The following DNAH11 variants were observed in gnomAD, a reference collection of about 807,000 sequenced individuals.
The protein encoded by DNAH11 is dynein axonemal heavy chain 11.
A neutral mutation model predicts 526.0 loss-of-function variants in DNAH11; 442 were observed. The ratio of observed to expected loss-of-function variants is 0.84; its 90% CI spans 0.78 to 0.91. The LOEUF (loss-of-function observed/expected upper bound fraction) is 0.91. Ranked by LOEUF, DNAH11 falls within the 40% of genes least tolerant of loss-of-function variation. The pLI is 0.00. For synonymous variants in DNAH11, 2,461 were observed against 1,935.9 expected (o/e 1.27, Z -7.12); for missense variants, 6,989 against 5,448.7 (o/e 1.28, Z -8.90).
At chr7:21,751,933 G>A (rs1786431217) in intron 54 of DNAH11, among the ~76,000 whole-genome samples, 1 of 152,212 alleles carries the variant, frequency 6.6e-6, no homozygotes, top group South Asian at 2.1e-4. Context: ...AACAAGTACA[G>A]TGTTAGAATT....
At position 21,884,422 on chromosome 7, in the gene DNAH11, G is replaced by C. The variant is rs1784045146; in HGVS notation, c.12507+12G>C. ...TGAATCCATCTCTGGTAAGACATTT[G>C]TAAATTAATTTGTAAATAAATTTCA... On this transcript the variant is annotated intron_variant, in intron 76 of 81. Coordinates refer to ENST00000409508, the MANE Select transcript of DNAH11 (RefSeq NM_001277115.2). 1 of 1,585,792 alleles carries C rather than the reference G, an allele frequency of 6.3e-7. No individual in the cohort carries two copies. The highest frequency in any genetic ancestry group is 8.6e-7 in the Non-Finnish European group (1 of 1,169,008).
Position 21,591,013 on chromosome 7 carries a change from T to C in DNAH11, c.2265T>C (p.Thr755=). ...TAGCCATCTTCAAGAAAAGGAACAC[T>C]ATTTTAAAGGTTTGTGATTTTTGTT... The part of the protein sequence containing the change: ...SALAIFKKRN[T]ILKYIGNLDL... The change falls in exon 13 of 82, where the codon ACT becomes ACC. Residue 755 remains threonine, a synonymous_variant. Transcript: ENST00000409508. The C allele has an allele frequency of 6.6e-7, 1 of 1,507,472 alleles. No homozygotes were observed. Among genetic ancestry groups the C allele is most frequent in the South Asian group, 1.4e-5 (1 of 69,290 alleles). The allele number at this position is 1,507,472 out of a possible 1,614,324, so 93.4% of individuals were successfully genotyped here.
At chr7:21,888,550 T>A (rs1236531445) in intron 76 of DNAH11, among the ~76,000 whole-genome samples, 2 of 152,056 alleles carry the variant, frequency 1.3e-5, no homozygotes, top group Non-Finnish European at 2.9e-5. Context: ...AGTGCAGTGG[T>A]GTGATCTCGG....
chr7:21,764,250 A>G (rs1371244076), intron 54 of DNAH11, among the ~76,000 whole-genome samples: 2 of 145,542 alleles, frequency 1.4e-5, no homozygotes, highest in Admixed American at 7.1e-5. Context: ...TTGAATACAC[A>G]TGGCATATAA....
intron 30 of DNAH11, among the ~76,000 whole-genome samples, chr7:21,667,545 C>G (rs1782466639): frequency 6.6e-6 from 1 of 152,068 alleles, no homozygotes; most frequent in Admixed American, 6.6e-5. Context: ...AGAACAAATC[C>G]TGAAGTAACT....
intron 65 of DNAH11, among the ~76,000 whole-genome samples, chr7:21,839,830 T>A (rs1782137743): frequency 6.6e-6 from 1 of 152,228 alleles, no homozygotes; most frequent in South Asian, 2.1e-4. Flanking sequence ...GTTTCTGTTG[T>A]CAGTGTAAGA....
intron 37 of DNAH11, among the ~76,000 whole-genome samples, chr7:21,704,143 A>G (rs1202603326): frequency 6.6e-6 from 1 of 152,366 alleles, no homozygotes; most frequent in East Asian, 1.9e-4. Context: ...TCAAGAGAGA[A>G]GGCCCTTAGA....
chr7:21,786,275 C>A (rs573019721), intron 58 of DNAH11, among the ~76,000 whole-genome samples: 33 of 149,604 alleles, frequency 2.2e-4, no homozygotes, highest in African/African-American at 8.2e-4. Context: ...TGGGATAGAA[C>A]CTATAAATAT....
chr7:21,767,991 T>A (rs905480015), intron 55 of DNAH11, among the ~76,000 whole-genome samples: 9 of 152,144 alleles, frequency 5.9e-5, no homozygotes, highest in African/African-American at 2.2e-4. Context: ...TGGCGTGTAA[T>A]TTTCCATCAG....
At position 21,690,849 on chromosome 7, in the gene DNAH11, C is replaced by A. The variant is rs779108660; in HGVS notation, c.6009C>A (p.Thr2003=). The change falls in exon 35 of 82, where the codon ACC becomes ACA. Residue 2003 remains threonine (T), a synonymous_variant. Coordinates refer to ENST00000409508, the MANE Select transcript of DNAH11 (RefSeq NM_001277115.2). ...ITMNPGYAGR[T]ELPENLKALF... is the part of the protein sequence containing the mutation. ...TGAACCCGGGTTATGCTGGTCGAAC[C>A]GAATTACCGGAAAATCTCAAAGCTC... The A allele has an allele frequency of 1.3e-5, 21 of 1,612,364 alleles. No homozygotes were observed. The highest frequency in any genetic ancestry group is 1.1e-5 in the South Asian group (1 of 90,644).
At chr7:21,615,478 C>G (rs1156396424) in intron 21 of DNAH11, among the ~76,000 whole-genome samples, 1 of 151,698 alleles carries the variant, frequency 6.6e-6, no homozygotes, top group Non-Finnish European at 1.5e-5. Flanking sequence ...ATTTTTAGTT[C>G]AGGATGAAAC....
At chr7:21,721,604 CAG>C (rs1784876736) in intron 44 of DNAH11, among the ~76,000 whole-genome samples, 1 of 152,170 alleles carries the variant, frequency 6.6e-6, no homozygotes, top group Admixed American at 6.5e-5. Context: ...CCCCATGTGA[CAG>C]AGAGAGAAAG....
chr7:21,632,388 A>G (rs1786658183), intron 25 of DNAH11, among the ~76,000 whole-genome samples: 1 of 152,082 alleles, frequency 6.6e-6, no homozygotes, highest in Non-Finnish European at 1.5e-5. Context: ...TCCTCAGAAT[A>G]TGGGATTTTC....
chr7:21,667,452 A>G (rs932386439), intron 30 of DNAH11, among the ~76,000 whole-genome samples: 1 of 152,194 alleles, frequency 6.6e-6, no homozygotes, highest in African/African-American at 2.4e-5. Flanking sequence ...GGGTTGTAAT[A>G]AAATGGTGTT....
At chr7:21,758,505 A>G (rs753322878) in intron 54 of DNAH11, among the ~76,000 whole-genome samples, 1 of 152,180 alleles carries the variant, frequency 6.6e-6, no homozygotes, top group South Asian at 2.1e-4. Context: ...ACAGGGAGCA[A>G]AGGCCAACCC....
chr7:21,901,331 C>CTGAAGAGCGAAG lies in DNAH11; in HGVS notation c.*77_*78insTGAAGAGCGAAG. 1 of 1,423,256 alleles carries CTGAAGAGCGAAG rather than the reference C, an allele frequency of 7.0e-7. No individual in the cohort carries two copies. The highest frequency in any genetic ancestry group is 9.3e-7 in the Non-Finnish European group (1 of 1,079,122). The allele number at this position is 1,423,256 out of a possible 1,614,324, so 88.2% of individuals were successfully genotyped here. On this transcript the variant is annotated 3_prime_UTR_variant, in exon 82 of 82. Transcript: ENST00000409508. ...AGCATGTTGCTGCACTGTTCCCATG[C>CTGAAGAGCGAAG]ACATTATTCTAACTTTTTAGTAACT...
intron 58 of DNAH11, among the ~76,000 whole-genome samples, chr7:21,784,985 C>G (rs1019024763): frequency 6.6e-6 from 1 of 152,200 alleles, no homozygotes; most frequent in South Asian, 2.1e-4. Flanking sequence ...GGTTTGGTCC[C>G]CACCATTTCT....
Position 21,842,685 on chromosome 7 carries a change from T to G in DNAH11, c.10833T>G (p.Gly3611=), listed in dbSNP as rs377069345. ...TLLNFTVTED[G]LEAQLLAEVV... ...TCAATTTCACAGTCACAGAAGATGG[T>G]CTAGAAGCCCAGCTGCTGGCAGAGG... The change falls in exon 66 of 82, where the codon GGT becomes GGG. Residue 3611 remains glycine (G), a synonymous_variant. Coordinates refer to ENST00000409508, the MANE Select transcript of DNAH11 (RefSeq NM_001277115.2). 6.2e-7 allele frequency: 1 copy of G among 1,613,704 alleles called. No homozygotes were observed. Among genetic ancestry groups the G allele is most frequent in the African/African-American group, 1.3e-5 (1 of 74,938 alleles).
chr7:21,737,458 T>C (rs1183829525), intron 46 of DNAH11, among the ~76,000 whole-genome samples: 1 of 152,194 alleles, frequency 6.6e-6, no homozygotes, highest in Non-Finnish European at 1.5e-5. Context: ...GAGGGGACTG[T>C]ATTTCATTTG....
Sources: gnomAD v4.1 joint callset for allele counts (sites outside exome capture counted in the v4.1 genomes callset) on GRCh38, gnomAD v4.1.1 for gene constraint, MANE v1.5 for transcripts, NCBI Gene and HGNC (gene_info 2026-07-23, HGNC 2026-07-21) for gene names.